Variants in AHR observed in about 807,000 individuals in gnomAD.
AHR encodes the protein aryl hydrocarbon receptor, also known as AH-receptor.
Under a neutral mutation model 86.8 loss-of-function variants are expected in AHR, and 40 were observed. The observed-to-expected ratio is 0.46, with a 90% CI of 0.36 to 0.60. AHR has a LOEUF of 0.60. Among genes scored for constraint, AHR ranks in the 20% least tolerant of loss-of-function variants. The probability of loss-of-function intolerance (pLI) is 0.00; values close to 1 mark genes in which losing one functional copy is unlikely to be tolerated. For synonymous variants in AHR, 398 were observed against 354.9 expected (o/e 1.12, Z -1.37); for missense variants, 1,001 against 1,011.6 (o/e 0.99, Z 0.14).
In AHR at chr7:17,339,856, C is replaced by G; in HGVS notation, c.2031C>G (p.Asp677Glu). 6.2e-7 allele frequency: 1 copy of G among 1,614,176 alleles called. No homozygotes were observed. The highest frequency in any genetic ancestry group is 1.1e-5 in the South Asian group (1 of 91,078). Residue 677 changes from aspartate to glutamate, a missense_variant, in exon 10 of 11, where the codon GAC becomes GAG. This residue lies in a region of AHR where 607 missense variants were observed against 543.1 expected (regional missense o/e 1.12). Transcript: ENST00000242057. ...CACAACAATATAATGTCTTTACAGA[C>G]TTACATGGGATCAGTCAAGAGTTCC... Reference protein sequence around the residue: ...QDPQQYNVFTDLHGISQEFPY... With the variant: ...QDPQQYNVFTELHGISQEFPY...
chr7:17,316,863 G>A (rs1782120191), intron 2 of AHR, among the ~76,000 whole-genome samples: 2 of 152,038 alleles, frequency 1.3e-5, no homozygotes, highest in South Asian at 4.1e-4. Context: ...CTGACAGCAG[G>A]AGCTGTGGAT....
rs759790577 is a variant in AHR, at chr7:17,322,623, T to C, written c.360+16T>C. ...CTTATTACAGGTAAATTTTAGTAAA[T>C]ATAGTTTCTTACACTAAGGACAGTT... is the stretch of plus-strand genomic sequence containing the variant. On this transcript the variant is annotated intron_variant, in intron 3 of 10. Coordinates refer to ENST00000242057, the MANE Select transcript of AHR (RefSeq NM_001621.5). The C allele has an allele frequency of 6.8e-7, 1 of 1,473,760 alleles. No homozygotes were observed. 91.3% of individuals were successfully genotyped at this position (1,473,760 alleles called of 1,614,324 possible).
chr7:17,320,101 T>A (rs955883679), intron 2 of AHR, among the ~76,000 whole-genome samples: 1 of 152,138 alleles, frequency 6.6e-6, no homozygotes, highest in Non-Finnish European at 1.5e-5. Context: ...ACATTTGGAA[T>A]TATAAGCATT....
intron 1 of AHR, among the ~76,000 whole-genome samples, chr7:17,303,986 A>G (rs1373386550): frequency 6.6e-6 from 1 of 152,144 alleles, no homozygotes; most frequent in Non-Finnish European, 1.5e-5. Context: ...ATGGTTATGT[A>G]TAGGAGAAGC....
intron 3 of AHR, among the ~76,000 whole-genome samples, chr7:17,323,148 T>G (rs766702466): frequency 8.5e-5 from 13 of 152,108 alleles, no homozygotes; most frequent in Non-Finnish European, 1.3e-4. Context: ...GTCAACCCCT[T>G]CTGTTGTATT....
chr7:17,319,446 A>G (rs1782148091), intron 2 of AHR, among the ~76,000 whole-genome samples: 1 of 152,140 alleles, frequency 6.6e-6, no homozygotes, highest in Admixed American at 6.6e-5. Flanking sequence ...TCTGCCACTT[A>G]AATCTCTATG....
At position 17,339,912 on chromosome 7, in the gene AHR, A is replaced by G. The variant is rs746059971; in HGVS notation, c.2087A>G (p.Tyr696Cys). 24 of 1,614,120 alleles carry G rather than the reference A, an allele frequency of 1.5e-5. No individual in the cohort carries two copies. The highest frequency in any genetic ancestry group is 2.0e-5 in the Non-Finnish European group (24 of 1,180,036). Reference protein sequence around the residue: ...PYKSEMDSMPYTQNFISCNQP... With the variant: ...PYKSEMDSMPCTQNFISCNQP... ...AAATCTGAAATGGATTCTATGCCTT[A>G]TACACAGAACTTTATTTCCTGTAAT... is the stretch of plus-strand genomic sequence containing the variant. The change falls in exon 10 of 11, where the codon TAT (tyrosine) becomes TGT (cysteine). Residue 696 changes from tyrosine to cysteine, a missense_variant. By Grantham distance (194) the Tyr-to-Cys change is radical. Coordinates refer to ENST00000242057, the MANE Select transcript of AHR (RefSeq NM_001621.5).
chr7:17,340,013 C>A lies in AHR; in HGVS notation c.2188C>A (p.Pro730Thr). 1 of 1,614,174 alleles carries A rather than the reference C, an allele frequency of 6.2e-7. No homozygotes were observed. The highest frequency in any genetic ancestry group is 8.5e-7 in the Non-Finnish European group (1 of 1,180,038). The change falls in exon 10 of 11, where the codon CCC (proline) becomes ACC (threonine). Residue 730 changes from proline (P) to threonine (T), a missense_variant. By Grantham distance (38) the Pro-to-Thr change is conservative. Around this residue, in one of 2 missense-constraint regions of AHR, gnomAD observed 607 missense variants for 543.1 expected, o/e 1.12. Transcript: ENST00000242057. ...GGGGAGTTTTGAACCATCCCCATAC[C>A]CCACTACTTCTAGTTTAGAAGATTT... Reference protein sequence around the residue: ...PMGSFEPSPYPTTSSLEDFVT... With the variant: ...PMGSFEPSPYTTTSSLEDFVT...
At chr7:17,327,577 A>T (rs888480970) in intron 3 of AHR, among the ~76,000 whole-genome samples, 182 bp from the exon 4 acceptor site, 1 of 151,986 alleles carries the variant, frequency 6.6e-6, no homozygotes, top group African/African-American at 2.4e-5. Flanking sequence ...TTTTCCATAG[A>T]CAAATCAAAA....
Position 17,343,150 on chromosome 7 carries a change from C to T in AHR, c.*86C>T. Reference sequence around the variant, plus strand: ...AAATAAAACTGTCACTGTTGGACGTCAGCAAGTTCACATGGAGGCATTGAT... The same window carrying T: ...AAATAAAACTGTCACTGTTGGACGTTAGCAAGTTCACATGGAGGCATTGAT... On this transcript the variant is annotated 3_prime_UTR_variant, in exon 11 of 11. Transcript: ENST00000242057. 1.3e-6 allele frequency: 2 copies of T among 1,482,750 alleles called. No individual in the cohort carries two copies. The highest frequency in any genetic ancestry group is 1.9e-6 in the Non-Finnish European group (2 of 1,068,658). 91.8% of individuals were successfully genotyped at this position (1,482,750 alleles called of 1,614,324 possible).
intron 1 of AHR, among the ~76,000 whole-genome samples, chr7:17,307,858 A>G (rs141594959): frequency 3.3e-5 from 5 of 152,216 alleles, no homozygotes; most frequent in East Asian, 1.9e-4. Flanking sequence ...TCCGATTTCT[A>G]TCGTTACTTT....
chr7:17,336,616 A>G (rs1782356909), intron 9 of AHR, among the ~76,000 whole-genome samples: 1 of 152,190 alleles, frequency 6.6e-6, no homozygotes, highest in Non-Finnish European at 1.5e-5. Flanking sequence ...GAAACTGTAG[A>G]TCATTTGGGG....
intron 6 of AHR, among the ~76,000 whole-genome samples, chr7:17,331,131 A>ATC (rs963347787): frequency 2.6e-5 from 4 of 151,862 alleles, no homozygotes; most frequent in Admixed American, 2.6e-4. Flanking sequence ...TTTGAAGATG[A>ATC]TCTGATTAGT....
At chr7:17,302,589 C>G (rs1036468114) in intron 1 of AHR, among the ~76,000 whole-genome samples, 3 of 151,670 alleles carry the variant, frequency 2.0e-5, no homozygotes, top group Non-Finnish European at 4.4e-5. Flanking sequence ...TGGACACTTG[C>G]TTATTAGAAC....
At position 17,340,068 on chromosome 7, in the gene AHR, A is replaced by G; in HGVS notation, c.2243A>G (p.Gln748Arg). ...ACTTGTTTACAACTTCCTGAAAACCAAAAGCATGGATTAAATCCACAGTCA... is the reference window on the plus strand; with the variant it reads ...ACTTGTTTACAACTTCCTGAAAACCGAAAGCATGGATTAAATCCACAGTCA... ...FVTCLQLPENQKHGLNPQSAI... is the reference protein window; with the variant it reads ...FVTCLQLPENRKHGLNPQSAI... The change falls in exon 10 of 11, where the codon CAA (glutamine) becomes CGA (arginine). Residue 748 changes from glutamine (Q) to arginine (R), a missense_variant. Gln to Arg is a conservative substitution (Grantham distance 43, BLOSUM62 1). Coordinates refer to ENST00000242057, the MANE Select transcript of AHR (RefSeq NM_001621.5). 1 of 1,614,246 alleles carries G rather than the reference A, an allele frequency of 6.2e-7. No individual in the cohort carries two copies. The highest frequency in any genetic ancestry group is 8.5e-7 in the Non-Finnish European group (1 of 1,180,042).
intron 2 of AHR, among the ~76,000 whole-genome samples, chr7:17,319,090 A>G (rs1324202176): frequency 6.6e-6 from 1 of 152,118 alleles, no homozygotes; most frequent in African/African-American, 2.4e-5. Context: ...TATAGTTACC[A>G]TAGTAATCCT....
chr7:17,304,030 C>G (rs1781981285), intron 1 of AHR, among the ~76,000 whole-genome samples: 1 of 151,960 alleles, frequency 6.6e-6, no homozygotes, highest in Admixed American at 6.6e-5. Context: ...TTAGGGTGTC[C>G]TTTACGTATT....
intron 1 of AHR, 74 bp from the exon 2 acceptor site, chr7:17,309,862 A>G (rs1782043931): frequency 8.2e-7 from 1 of 1,214,740 alleles, no homozygotes; most frequent in Non-Finnish European, 1.1e-6. Flanking sequence ...ATTTGAGGAG[A>G]TGTTATAATG....
intron 2 of AHR, among the ~76,000 whole-genome samples, chr7:17,317,160 CT>C (rs1289747260): frequency 7.2e-6 from 1 of 138,016 alleles, no homozygotes; most frequent in Admixed American, 7.4e-5. Flanking sequence ...CTTTACGGAC[CT>C]GGTATTAATA....
Sources: gnomAD v4.1 joint callset for allele counts (sites outside exome capture counted in the v4.1 genomes callset) on GRCh38, gnomAD v4.1.1 for gene constraint, gnomAD v4.1.1 regional missense constraint, MANE v1.5 for transcripts, NCBI Gene and HGNC (gene_info 2026-07-23, HGNC 2026-07-21) for gene names.